The following PPP2R2A variants were observed in gnomAD, a reference collection of about 807,000 sequenced individuals.
PPP2R2A encodes serine/threonine-protein phosphatase 2A 55 kDa regulatory subunit B alpha isoform.
A neutral mutation model predicts 53.2 loss-of-function variants in PPP2R2A; 9 were observed. The observed-to-expected ratio is 0.17, with a 90% confidence interval of 0.10 to 0.30. PPP2R2A has a LOEUF of 0.30. Among genes scored for constraint, PPP2R2A ranks in the 10% least tolerant of loss-of-function variants. The pLI is 1.00. For missense variants in PPP2R2A, 235 were observed against 534.6 expected (o/e 0.44, Z 5.53); for synonymous variants, 169 against 174.2 (o/e 0.97, Z 0.23).
chr8:26,358,419 AAC>A (rs1403882277), intron 4 of PPP2R2A, among the ~76,000 whole-genome samples: 29 of 152,362 alleles, frequency 1.9e-4, no homozygotes, highest in Non-Finnish European at 2.8e-4. Flanking sequence ...TAAACTAAAT[AAC>A]ACATAGAAAA....
chr8:26,293,734 G>C lies in PPP2R2A; in HGVS notation c.76G>C (p.Ala26Pro), dbSNP rs1490488888. 6.2e-7 allele frequency: 1 copy of C among 1,613,458 alleles called. No individual in the cohort carries two copies. Among genetic ancestry groups the C allele is most frequent in the Non-Finnish European group, 8.5e-7 (1 of 1,179,670 alleles). Residue 26 changes from alanine to proline, a missense_variant, in exon 2 of 10, where the codon GCA (alanine) becomes CCA (proline). Around this residue, in one of 3 missense-constraint regions of PPP2R2A, gnomAD observed 51 missense variants for 80.6 expected, o/e 0.63. Coordinates refer to ENST00000380737, the MANE Select transcript of PPP2R2A (RefSeq NM_002717.4). ...QVKGAVDDDV[A>P]EADIISTVEF... ...GAAAGGAGCAGTAGATGATGATGTA[G>C]CAGAAGGTAAGAAAGCGTTTAATGC...
intron 2 of PPP2R2A, among the ~76,000 whole-genome samples, chr8:26,318,496 G>A (rs1390597793): frequency 6.6e-6 from 1 of 152,170 alleles, no homozygotes; most frequent in Non-Finnish European, 1.5e-5. Flanking sequence ...AAACAAGATT[G>A]TCTATGAATG....
intron 3 of PPP2R2A, among the ~76,000 whole-genome samples, chr8:26,345,474 G>A (rs925107393): frequency 6.6e-6 from 1 of 152,136 alleles, no homozygotes; most frequent in African/African-American, 2.4e-5. Context: ...TATACCAAAG[G>A]CCTGTCTTTC....
rs892750508 is a variant in PPP2R2A, at chr8:26,362,988, C to T, written c.802+140C>T. 2 of 724,900 alleles carry T rather than the reference C, an allele frequency of 2.8e-6. No individual in the cohort carries two copies. The highest frequency in any genetic ancestry group is 3.6e-5 in the African/African-American group (2 of 55,848). 44.9% of individuals were successfully genotyped at this position (724,900 alleles called of 1,614,324 possible). Reference sequence around the variant, plus strand: ...AGCCACTTGTACCCTTGGTAATCTGCCTACCTCCTCATGAGGCATTCCAGG... The same window carrying T: ...AGCCACTTGTACCCTTGGTAATCTGTCTACCTCCTCATGAGGCATTCCAGG... On this transcript the variant is annotated intron_variant, in intron 7 of 9. Coordinates refer to ENST00000380737, the MANE Select transcript of PPP2R2A (RefSeq NM_002717.4). The surrounding 1 kb of genome is among the most constrained non-coding windows in gnomAD (Gnocchi z 4.4).
At chr8:26,350,776 A>T (rs1179097901) in intron 3 of PPP2R2A, 1 of 151,940 alleles carries the variant, frequency 6.6e-6, no homozygotes, top group African/African-American at 2.4e-5. Flanking sequence ...ATCTCTTATA[A>T]TTTTCTGTGT....
chr8:26,332,363 CAA>C (rs3070132), intron 2 of PPP2R2A, among the ~76,000 whole-genome samples: 25 of 90,976 alleles, frequency 2.7e-4, no homozygotes, highest in Non-Finnish European at 3.8e-4. Context: ...TCTTTTGTCT[CAA>C]AAAAAAAAAA....
chr8:26,334,338 C>T lies in PPP2R2A; in HGVS notation c.83-4552C>T, dbSNP rs546870518. On this transcript the variant is annotated intron_variant, in intron 2 of 9. Transcript: ENST00000380737. Reference sequence around the variant, plus strand: ...TACTATACTAAAGTATGCACAAATTCGGTATGATAGCTCTGACAGTGATGT... The same window carrying T: ...TACTATACTAAAGTATGCACAAATTTGGTATGATAGCTCTGACAGTGATGT... 2.6e-5 allele frequency among the ~76,000 whole-genome samples: 4 copies of T among 152,176 alleles called. No homozygotes were observed. In the East Asian group the frequency reaches 5.8e-4, roughly 22 times the overall value.
rs139474942 is a variant in PPP2R2A, at chr8:26,311,631, T to G, written c.82+17891T>G. Among the ~76,000 whole-genome samples, 1,069 of 152,274 alleles carry G rather than the reference T, an allele frequency of 7.0e-3. 12 individuals carry two copies. The highest frequency in any genetic ancestry group is 0.025 in the African/African-American group (1,043 of 41,528). ...CTGTTGTGCACAGTGATCATGCCTG[T>G]GAACAACCACTGCACTCCAGTCTGG... On this transcript the variant is annotated intron_variant, in intron 2 of 9. Transcript: ENST00000380737.
chr8:26,352,940 C>G (rs889517842), intron 3 of PPP2R2A, among the ~76,000 whole-genome samples: 1 of 152,096 alleles, frequency 6.6e-6, no homozygotes, highest in Non-Finnish European at 1.5e-5. Flanking sequence ...TCCCTCTACG[C>G]CCTAGTGTAC....
chr8:26,309,752 A>T (rs1802189120), intron 2 of PPP2R2A, among the ~76,000 whole-genome samples: 1 of 152,152 alleles, frequency 6.6e-6, no homozygotes, highest in Non-Finnish European at 1.5e-5. Context: ...AGGCCCAAGG[A>T]GGGAGAGAGA....
intron 2 of PPP2R2A, among the ~76,000 whole-genome samples, chr8:26,327,382 A>G (rs1422076386): frequency 1.3e-5 from 2 of 152,310 alleles, no homozygotes; most frequent in East Asian, 1.9e-4. Context: ...GAAGAGTATT[A>G]AAAGGAGAGG....
chr8:26,296,737 T>TA (rs1801555667), intron 2 of PPP2R2A, among the ~76,000 whole-genome samples: 1 of 152,196 alleles, frequency 6.6e-6, no homozygotes, highest in South Asian at 2.1e-4. Context: ...ACGTAAATGT[T>TA]ATTGTTCTTA....
intron 2 of PPP2R2A, among the ~76,000 whole-genome samples, chr8:26,320,383 G>C (rs1802775348): frequency 6.6e-6 from 1 of 152,184 alleles, no homozygotes; most frequent in African/African-American, 2.4e-5. Flanking sequence ...ATATTCTCAG[G>C]AGATAGAGTG....
intron 3 of PPP2R2A, among the ~76,000 whole-genome samples, chr8:26,344,539 T>C (rs1804111602): frequency 1.3e-5 from 2 of 152,172 alleles, no homozygotes; most frequent in South Asian, 4.1e-4. Flanking sequence ...TTTTCTGTCA[T>C]AGGTGTTAGA....
At chr8:26,361,278 A>AT (rs1805069295) in intron 6 of PPP2R2A, 127 bp downstream of exon 6, 1 of 834,130 alleles carries the variant, frequency 1.2e-6, no homozygotes, top group Non-Finnish European at 1.7e-6. Context: ...ATGGCACCTT[A>AT]TTTTTTTCTT....
At chr8:26,368,430 T>G (rs1163291690) in intron 9 of PPP2R2A, among the ~76,000 whole-genome samples, 1 of 152,212 alleles carries the variant, frequency 6.6e-6, no homozygotes, top group Non-Finnish European at 1.5e-5. Context: ...AAGTTTTGTT[T>G]GTGAGGATAC....
chr8:26,366,141 TTG>T, intron 8 of PPP2R2A, 172 bp from the exon 9 acceptor site: 1 of 551,200 alleles, frequency 1.8e-6, no homozygotes, highest in Non-Finnish European at 3.1e-6. Context: ...CCTGAAGGGC[TTG>T]TGTGTTTTGT....
chr8:26,313,684 G>A (rs1353424543), intron 2 of PPP2R2A, among the ~76,000 whole-genome samples: 1 of 152,120 alleles, frequency 6.6e-6, no homozygotes, highest in Non-Finnish European at 1.5e-5. Flanking sequence ...GCTATAAAAG[G>A]GAGGCAAGAA....
chr8:26,334,826 C>T (rs540574417), intron 2 of PPP2R2A, among the ~76,000 whole-genome samples: 16 of 152,254 alleles, frequency 1.1e-4, no homozygotes, highest in East Asian at 3.9e-4. Context: ...GTCTGGTAGC[C>T]GCTAGCTACA....
Sources: allele counts gnomAD v4.1 joint callset (sites outside exome capture counted in the v4.1 genomes callset), GRCh38; gene constraint gnomAD v4.1.1; regional missense constraint gnomAD v4.1.1; non-coding constraint Gnocchi (gnomAD v3.1); transcripts MANE v1.5; gene names NCBI Gene and HGNC (gene_info 2026-07-23, HGNC 2026-07-21).